HMCES: variants seen among roughly 807,000 people sequenced by gnomAD.
HMCES encodes abasic site processing protein HMCES.
Under a neutral mutation model 35.1 loss-of-function variants are expected in HMCES, and 27 were observed. The ratio of observed to expected loss-of-function variants is 0.77; its 90% CI spans 0.57 to 1.06. The LOEUF is 1.06. Ranked by LOEUF, HMCES falls within the 50% of genes least tolerant of loss-of-function variation. HMCES has a pLI of 0.00. For missense variants in HMCES, 391 were observed against 430.4 expected (o/e 0.91, Z 0.81); for synonymous variants, 130 against 154.7 (o/e 0.84, Z 1.18).
In HMCES at chr3:129,304,600, A is replaced by G. The variant is rs748991945; in HGVS notation, c.840A>G (p.Ala280=). ...VDLVVKKELR[A]SGSSQRMLQW... ...CCTCTTTCTTGTAGGAGCTCAGGGC[A>G]AGTGGCAGTAGCCAGAGGATGTTGC... Residue 280 remains alanine, a synonymous_variant, in exon 7 of 7, where the codon GCA becomes GCG. Coordinates refer to ENST00000383463, the MANE Select transcript of HMCES (RefSeq NM_020187.3). 1 of 1,614,082 alleles carries G rather than the reference A, an allele frequency of 6.2e-7. No individual in the cohort carries two copies. The highest frequency in any genetic ancestry group is 8.5e-7 in the Non-Finnish European group (1 of 1,179,920).
intron 4 of HMCES, among the ~76,000 whole-genome samples, chr3:129,294,841 A>G (rs989504469): frequency 2.6e-5 from 4 of 151,974 alleles, no homozygotes; most frequent in Non-Finnish European, 5.9e-5. Context: ...TTTGTCTGAA[A>G]AAGTATCTAT....
chr3:129,284,514 T>C (rs1940582766), intron 2 of HMCES, among the ~76,000 whole-genome samples: 1 of 152,238 alleles, frequency 6.6e-6, no homozygotes, highest in African/African-American at 2.4e-5. Flanking sequence ...AACATAACCT[T>C]GCATTTCCCT....
At chr3:129,292,217 A>G (rs2071027654) in intron 4 of HMCES, among the ~76,000 whole-genome samples, 2 of 152,196 alleles carry the variant, frequency 1.3e-5, no homozygotes, top group Admixed American at 6.5e-5. Flanking sequence ...ACACTGCTAA[A>G]GCACCTGAGT....
intron 2 of HMCES, among the ~76,000 whole-genome samples, chr3:129,281,926 C>CAAAAAAAAAAAAAAAAAA: frequency 1.4e-5 from 1 of 71,594 alleles, no homozygotes; most frequent in Non-Finnish European, 3.1e-5. Flanking sequence ...GACTCAGTCT[C>CAAAAAAAAAAAAAAAAAA]AAAAAAAAAA....
At position 129,302,542 on chromosome 3, in the gene HMCES, G is replaced by A. The variant is rs568009719; in HGVS notation, c.828+400G>A. On this transcript the variant is annotated intron_variant, in intron 6 of 6. Coordinates refer to ENST00000383463, the MANE Select transcript of HMCES (RefSeq NM_020187.3). ...ATCCTGGCCAATATGGTGAAACCCC[G>A]TCTCTACTAAAAATACAAAAATTAG... 1.6e-3 allele frequency among the ~76,000 whole-genome samples: 237 copies of A among 152,136 alleles called. 1 individual carries two copies. The highest frequency in any genetic ancestry group is 5.3e-3 in the African/African-American group (222 of 41,510).
At chr3:129,302,480 C>T (rs1026721151) in intron 6 of HMCES, among the ~76,000 whole-genome samples, 1 of 151,716 alleles carries the variant, frequency 6.6e-6, no homozygotes, top group Admixed American at 6.6e-5. Flanking sequence ...TTTGGGAGGC[C>T]GAGGCAAGTG....
intron 3 of HMCES, 97 bp from the exon 4 acceptor site, chr3:129,290,582 C>A (rs931344304): frequency 3.5e-5 from 49 of 1,399,368 alleles, no homozygotes; most frequent in Non-Finnish European, 4.7e-5. Context: ...CCCGCCTGGC[C>A]CAAACCTCAG....
At chr3:129,287,038 G>A (rs993549181) in intron 2 of HMCES, among the ~76,000 whole-genome samples, 3 of 152,162 alleles carry the variant, frequency 2.0e-5, no homozygotes, top group Admixed American at 1.3e-4. Context: ...GTAAAAGGAC[G>A]CAGAATAGAA....
chr3:129,283,686 C>T (rs958512618), intron 2 of HMCES, among the ~76,000 whole-genome samples: 3 of 151,962 alleles, frequency 2.0e-5, no homozygotes, highest in South Asian at 2.1e-4. Flanking sequence ...CAAAATTAGT[C>T]GGGTGTGGTG....
chr3:129,289,140 A>G (rs1052407571), intron 3 of HMCES, 143 bp downstream of exon 3: 3 of 626,734 alleles, frequency 4.8e-6, no homozygotes, highest in African/African-American at 1.8e-5. Flanking sequence ...GTGGAATGCT[A>G]TTTTGTTACT....
intron 2 of HMCES, among the ~76,000 whole-genome samples, chr3:129,281,785 C>T (rs1436545275): frequency 6.6e-6 from 1 of 151,254 alleles, no homozygotes; most frequent in Non-Finnish European, 1.5e-5. Flanking sequence ...AGTGGGATCT[C>T]TTGAGGTCAC....
intron 2 of HMCES, among the ~76,000 whole-genome samples, chr3:129,281,314 G>C (rs539570085): frequency 6.6e-6 from 1 of 152,154 alleles, no homozygotes; most frequent in South Asian, 2.1e-4. Context: ...TATACCTCTG[G>C]TACATACTCT....
At chr3:129,295,366 G>A (rs1307977532) in intron 4 of HMCES, among the ~76,000 whole-genome samples, 2 of 149,576 alleles carry the variant, frequency 1.3e-5, no homozygotes, top group Non-Finnish European at 3.0e-5. Flanking sequence ...GAGCTTAGGA[G>A]GTCGAAGTTG....
In HMCES at chr3:129,279,800, G is replaced by C; in HGVS notation, c.68G>C (p.Arg23Pro). ...ACGAGAGCTTGCGCCTACCAGGATC[G>C]GCGGGGCCAGCAGCGGCTCCCGGAG... The part of the protein sequence containing the change: ...VLTRACAYQD[R>P]RGQQRLPEWR... Residue 23 changes from arginine (R) to proline (P), a missense_variant, in exon 2 of 7, where the codon CGG (arginine) becomes CCG (proline). Arg to Pro is a moderately radical substitution (Grantham distance 103). Transcript: ENST00000383463. The surrounding 1 kb of genome is among the most constrained non-coding windows in gnomAD (Gnocchi z 4.2). 2 of 1,613,414 alleles carry C rather than the reference G, an allele frequency of 1.2e-6. No individual in the cohort carries two copies. Among genetic ancestry groups the C allele is most frequent in the East Asian group, 4.5e-5 (2 of 44,860 alleles).
In HMCES at chr3:129,299,173, T is replaced by A. The variant is rs192283728; in HGVS notation, c.635+638T>A. On this transcript the variant is annotated intron_variant, in intron 5 of 6. Transcript: ENST00000383463. Reference sequence around the variant, plus strand: ...AATAAATACATACATACATACATACTACAATAAATATGGCACTTTACCTCG... The same window carrying A: ...AATAAATACATACATACATACATACAACAATAAATATGGCACTTTACCTCG... 2.8e-4 allele frequency among the ~76,000 whole-genome samples: 43 copies of A among 152,268 alleles called. No individual in the cohort carries two copies. The East Asian group carries it at 6.4e-3, about 23-fold the overall frequency.
chr3:129,291,556 G>A (rs1337590780), intron 4 of HMCES, among the ~76,000 whole-genome samples: 1 of 152,166 alleles, frequency 6.6e-6, no homozygotes, highest in African/African-American at 2.4e-5. Context: ...GCATGGATCA[G>A]CACTTCATTC....
At chr3:129,289,708 C>T (rs918001533) in intron 3 of HMCES, among the ~76,000 whole-genome samples, 4 of 152,076 alleles carry the variant, frequency 2.6e-5, no homozygotes, top group African/African-American at 9.7e-5. Flanking sequence ...TACACAGAGC[C>T]AGCCCAAATT....
Position 129,302,072 on chromosome 3 carries a change from C to G in HMCES, c.758C>G (p.Ser253Cys). 1 of 1,614,204 alleles carries G rather than the reference C, an allele frequency of 6.2e-7. No homozygotes were observed. The highest frequency in any genetic ancestry group is 1.1e-5 in the South Asian group (1 of 91,084). The change falls in exon 6 of 7, where the codon TCT (serine) becomes TGT (cysteine). Residue 253 changes from serine to cysteine, a missense_variant. Coordinates refer to ENST00000383463, the MANE Select transcript of HMCES (RefSeq NM_020187.3). ...GAGAACATCACCTTCCATGCAGTCT[C>G]TTCTGTGGTGAACAACTCGCGAAAC... is the stretch of plus-strand genomic sequence containing the variant. ...PTENITFHAV[S>C]SVVNNSRNNT...
At chr3:129,301,235 G>A (rs2071165799) in intron 5 of HMCES, among the ~76,000 whole-genome samples, 1 of 148,130 alleles carries the variant, frequency 6.8e-6, no homozygotes, top group Non-Finnish European at 1.5e-5. Flanking sequence ...ATGCTTTCAT[G>A]TGATGTAGTT....
Sources: allele counts gnomAD v4.1 joint callset (sites outside exome capture counted in the v4.1 genomes callset), GRCh38; gene constraint gnomAD v4.1.1; non-coding constraint Gnocchi (gnomAD v3.1); transcripts MANE v1.5; gene names NCBI Gene and HGNC (gene_info 2026-07-23, HGNC 2026-07-21).